PLPPR1: variants seen among roughly 807,000 people sequenced by gnomAD.
PLPPR1 encodes the protein phospholipid phosphatase related 1, also known as phospholipid phosphatase-related protein type 1.
PLPPR1 carries 10 observed loss-of-function variants against 33.1 expected under a neutral mutation model. That is an observed-to-expected ratio of 0.30 (90% CI 0.19 to 0.51). The LOEUF (loss-of-function observed/expected upper bound fraction) is 0.51. PLPPR1 is among the 20% of genes least tolerant of loss of function. The pLI, the probability that PLPPR1 is intolerant of heterozygous loss-of-function variation, is 0.97. For synonymous variants in PLPPR1, 151 were observed against 151.0 expected, an observed-to-expected ratio of 1.00 and a Z score of 0.00; for missense variants, 304 against 408.1, an observed-to-expected ratio of 0.74 and a Z score of 2.20.
rs1158101909 is a variant in PLPPR1, at chr9:101,089,977, A to G, written c.-46+60875A>G. Among the ~76,000 whole-genome samples, 10 of 152,150 alleles carry G rather than the reference A, an allele frequency of 6.6e-5. No individual in the cohort carries two copies. The East Asian group carries it at 1.9e-3, about 29-fold the overall frequency. On this transcript the variant is annotated intron_variant, in intron 1 of 7. Transcript: ENST00000374874. The stretch of plus-strand genomic sequence containing the variant: ...ACAGACTGGAGGCTTGGAGTCTGAG[A>G]ACAAGGTGTTGGCTGGTCTGTGCTC...
intron 1 of PLPPR1, among the ~76,000 whole-genome samples, chr9:101,092,827 C>G (rs112503233): frequency 0.053 from 8,115 of 152,122 alleles, 393 homozygotes; most frequent in African/African-American, 0.12. Flanking sequence ...AAGGGAATTA[C>G]GGTTAGATGA....
At chr9:101,277,736 G>A (rs937846268) in intron 3 of PLPPR1, among the ~76,000 whole-genome samples, 1 of 152,152 alleles carries the variant, frequency 6.6e-6, no homozygotes, top group African/African-American at 2.4e-5. Context: ...GCAGAGTCGA[G>A]CTAGAATTAC....
chr9:101,303,775 T>A lies in PLPPR1; in HGVS notation c.386-5436T>A, dbSNP rs114800951. Among the ~76,000 whole-genome samples the A allele has an allele frequency of 1.5e-3, 235 of 152,304 alleles. 1 individual carries two copies. Among genetic ancestry groups the A allele is most frequent in the Middle Eastern group, 3.4e-3 (1 of 294 alleles). ...TTATGTCTTTTTCACTATTCTTTTCTTTTTTAAAGTTCCATGTGTTAGTTT... is the reference window on the plus strand; with the variant it reads ...TTATGTCTTTTTCACTATTCTTTTCATTTTTAAAGTTCCATGTGTTAGTTT... On this transcript the variant is annotated intron_variant, in intron 4 of 7. Transcript: ENST00000374874.
chr9:101,295,443 A>G (rs1331708700), intron 4 of PLPPR1, among the ~76,000 whole-genome samples: 3 of 152,170 alleles, frequency 2.0e-5, no homozygotes, highest in Non-Finnish European at 4.4e-5. Flanking sequence ...CAGAATTGGA[A>G]AAAACTACTT....
intron 1 of PLPPR1, among the ~76,000 whole-genome samples, chr9:101,083,739 G>T (rs1050572408): frequency 6.6e-6 from 1 of 152,158 alleles, no homozygotes; most frequent in Admixed American, 6.5e-5. Flanking sequence ...GAGGAATGCC[G>T]CATTGAATAC....
Position 101,312,799 on chromosome 9 carries a change from T to G in PLPPR1, c.638T>G (p.Met213Arg). ...LSIYSALYAT[M>R]YITSTIKTKS... ...TCCCTGGCCTCTGTCCTATTCCAGA[T>G]GTATATTACAAGCACAATCAAGACG... The change falls in exon 6 of 8, where the codon ATG becomes AGG. Residue 213 changes from methionine to arginine, a missense_variant and splice_region_variant. Coordinates refer to ENST00000374874, the MANE Select transcript of PLPPR1 (RefSeq NM_207299.2). 6.2e-7 allele frequency: 1 copy of G among 1,613,954 alleles called. No individual in the cohort carries two copies. Among genetic ancestry groups the G allele is most frequent in the Non-Finnish European group, 8.5e-7 (1 of 1,179,990 alleles).
rs144525236 is a variant in PLPPR1 at position 101,126,934 on chromosome 9, C to T, written c.-45-58516C>T. On this transcript the variant is annotated intron_variant, in intron 1 of 7. Coordinates refer to ENST00000374874, the MANE Select transcript of PLPPR1 (RefSeq NM_207299.2). ...CTGGAATTTTTGTATCATCTTTATA[C>T]GCTTTTTTAAAATCTCTGCCAATTC... 5.7e-4 allele frequency among the ~76,000 whole-genome samples: 86 copies of T among 152,192 alleles called. No individual in the cohort carries two copies. In the East Asian group the frequency reaches 0.011, roughly 19 times the overall value.
chr9:101,275,964 G>T (rs1464388154), intron 3 of PLPPR1, among the ~76,000 whole-genome samples: 1 of 152,066 alleles, frequency 6.6e-6, no homozygotes, highest in Non-Finnish European at 1.5e-5. Context: ...CTTCATTTGG[G>T]GGTTTCTGGG....
chr9:101,122,240 A>G (rs1215806142), intron 1 of PLPPR1, among the ~76,000 whole-genome samples: 2 of 152,238 alleles, frequency 1.3e-5, no homozygotes, highest in Non-Finnish European at 2.9e-5. Flanking sequence ...ATCTCACCAC[A>G]GGAACACTGT....
intron 1 of PLPPR1, among the ~76,000 whole-genome samples, chr9:101,056,463 A>C (rs1370877115): frequency 6.6e-6 from 1 of 152,216 alleles, no homozygotes; most frequent in Non-Finnish European, 1.5e-5. Flanking sequence ...CCACACTAAC[A>C]GTGCCCCCTG....
chr9:101,156,552 C>CAAAAAAAAAAAA (rs1162056636), intron 1 of PLPPR1, among the ~76,000 whole-genome samples: 7 of 71,286 alleles, frequency 9.8e-5, no homozygotes, highest in Non-Finnish European at 1.3e-4. Flanking sequence ...ACCCTGTCTC[C>CAAAAAAAAAAAA]AAAAAAAAAA....
intron 2 of PLPPR1, among the ~76,000 whole-genome samples, chr9:101,242,773 G>A (rs1208231563): frequency 6.6e-6 from 1 of 152,014 alleles, no homozygotes; most frequent in Non-Finnish European, 1.5e-5. Context: ...CATTAATTAA[G>A]TGCTCACTGT....
In PLPPR1 at chr9:101,088,569, A is replaced by C. The variant is rs138703457; in HGVS notation, c.-46+59467A>C. Among the ~76,000 whole-genome samples, 949 of 152,296 alleles carry C rather than the reference A, an allele frequency of 6.2e-3. 12 individuals are homozygous for C. The highest frequency in any genetic ancestry group is 0.022 in the African/African-American group (916 of 41,576). On this transcript the variant is annotated intron_variant, in intron 1 of 7. Coordinates refer to ENST00000374874, the MANE Select transcript of PLPPR1 (RefSeq NM_207299.2). ...TTTGTGTTTCCTTTCTTTTAAAAAA[A>C]ATAAAACGCAGAGTTTGGTTCTGTA...
intron 1 of PLPPR1, among the ~76,000 whole-genome samples, chr9:101,036,075 A>AT (rs1189144922): frequency 1.3e-5 from 2 of 152,106 alleles, no homozygotes; most frequent in Admixed American, 1.3e-4. Flanking sequence ...TTGCATTACG[A>AT]TTTTTTTAAA....
chr9:101,155,805 G>A (rs922209012), intron 1 of PLPPR1, among the ~76,000 whole-genome samples: 2 of 152,044 alleles, frequency 1.3e-5, no homozygotes, highest in Non-Finnish European at 2.9e-5. Flanking sequence ...TCTCCATGTT[G>A]GTCAGTCTAG....
chr9:101,313,055 C>A, intron 6 of PLPPR1, 81 bp downstream of exon 6: 1 of 1,237,938 alleles, frequency 8.1e-7, no homozygotes, highest in Non-Finnish European at 1.2e-6. Context: ...CAGACTTCAC[C>A]ATCTGTGTTC....
chr9:101,317,369 T>C lies in PLPPR1; in HGVS notation c.818T>C (p.Met273Thr), dbSNP rs755780295. ...TTTTTCCCCCTCATCCTGCAGGGAA[T>C]GTGTGTGGTTCATAACTTTAAAGGA... is the stretch of plus-strand genomic sequence containing the variant. ...LGTAVALFLGMCVVHNFKGTQ... is the reference protein window; with the variant it reads ...LGTAVALFLGTCVVHNFKGTQ... Residue 273 changes from methionine to threonine, a missense_variant, in exon 7 of 8, where the codon ATG becomes ACG. By Grantham distance (81) the Met-to-Thr change is moderately conservative. Coordinates refer to ENST00000374874, the MANE Select transcript of PLPPR1 (RefSeq NM_207299.2). 5.0e-6 allele frequency: 8 copies of C among 1,613,486 alleles called. No homozygotes were observed. The South Asian group carries it at 8.8e-5, about 18-fold the overall frequency.
intron 3 of PLPPR1, among the ~76,000 whole-genome samples, chr9:101,273,939 A>G (rs1828142658): frequency 6.6e-6 from 1 of 152,248 alleles, no homozygotes; most frequent in South Asian, 2.1e-4. Context: ...CTCCTCTCAG[A>G]GTAAAAGTGA....
intron 3 of PLPPR1, among the ~76,000 whole-genome samples, chr9:101,271,749 G>T (rs1232236366): frequency 2.6e-5 from 4 of 152,172 alleles, no homozygotes; most frequent in Non-Finnish European, 5.9e-5. Context: ...TCGCTTTCCT[G>T]TGTATTCAGA....
Sources: gnomAD v4.1 joint callset for allele counts (sites outside exome capture counted in the v4.1 genomes callset) on GRCh38, gnomAD v4.1.1 for gene constraint, MANE v1.5 for transcripts, NCBI Gene and HGNC (gene_info 2026-07-23, HGNC 2026-07-21) for gene names.